The following FILIP1L variants were observed in gnomAD, a reference collection of about 807,000 sequenced individuals.
FILIP1L encodes the protein filamin A-interacting protein 1-like.
A neutral mutation model predicts 96.6 loss-of-function variants in FILIP1L; 55 were observed. That is an observed-to-expected ratio of 0.57 (90% confidence interval 0.46 to 0.71). The LOEUF is 0.71. Ranked by LOEUF, FILIP1L falls within the 30% of genes least tolerant of loss-of-function variation. The probability of loss-of-function intolerance (pLI) is 0.00; values close to 1 mark genes in which losing one functional copy is unlikely to be tolerated. For synonymous variants in FILIP1L, 467 were observed against 473.9 expected, an observed-to-expected ratio of 0.99 and a Z score of 0.19; for missense variants, 1,304 against 1,321.2, an observed-to-expected ratio of 0.99 and a Z score of 0.20.
chr3:100,028,052 T>C (rs935899751), intron 1 of FILIP1L, among the ~76,000 whole-genome samples: 22 of 152,220 alleles, frequency 1.4e-4, no homozygotes, highest in African/African-American at 5.3e-4. Flanking sequence ...AATTTTACTC[T>C]GGCTATTCTG....
intron 4 of FILIP1L, among the ~76,000 whole-genome samples, chr3:99,904,866 C>T (rs538584657): frequency 5.1e-4 from 77 of 152,304 alleles, no homozygotes; most frequent in African/African-American, 1.5e-3. Flanking sequence ...CAGTCCTTGG[C>T]AAACCTCTTG....
chr3:99,849,727 A>T lies in FILIP1L; in HGVS notation c.1949T>A (p.Met650Lys). 1 of 1,613,726 alleles carries T rather than the reference A, an allele frequency of 6.2e-7. No individual in the cohort carries two copies. Among genetic ancestry groups the T allele is most frequent in the South Asian group, 1.1e-5 (1 of 91,058 alleles). The change falls in exon 5 of 6, where the codon ATG becomes AAG. Residue 650 changes from methionine (M) to lysine (K), a missense_variant. By Grantham distance (95) the Met-to-Lys change is moderately conservative. Transcript: ENST00000477258. ...AGTCTCATATTCATCTTCTGTTTTC[A>T]TGAGGTCATCCTCAATGGCTTTCAT... ...KDMKAIEDDL[M>K]KTEDEYETLE...
intron 4 of FILIP1L, among the ~76,000 whole-genome samples, chr3:99,904,708 A>G (rs1000004816): frequency 6.6e-6 from 1 of 151,988 alleles, no homozygotes; most frequent in Non-Finnish European, 1.5e-5. Flanking sequence ...TCACTGTAGC[A>G]ACTACCTCCT....
At chr3:99,984,566 A>G (rs1709274718) in intron 1 of FILIP1L, among the ~76,000 whole-genome samples, 1 of 152,322 alleles carries the variant, frequency 6.6e-6, no homozygotes, top group African/African-American at 2.4e-5. Context: ...GCACACTGCC[A>G]AGAGGTATCT....
At chr3:99,889,439 C>T (rs1429547264) in intron 4 of FILIP1L, among the ~76,000 whole-genome samples, 1 of 151,966 alleles carries the variant, frequency 6.6e-6, no homozygotes, top group Non-Finnish European at 1.5e-5. Flanking sequence ...TGACCTTTTA[C>T]TTTCAGCTTT....
chr3:99,966,341 T>C lies in FILIP1L; in HGVS notation c.-10-35311A>G, dbSNP rs146629095. 4.5e-3 allele frequency among the ~76,000 whole-genome samples: 686 copies of C among 152,202 alleles called. 7 individuals are homozygous for C. Among genetic ancestry groups the C allele is most frequent in the African/African-American group, 0.016 (672 of 41,540 alleles). ...CCAGTAGCCCTTCCTTTCTGTTTCTTTCATAGCCCCACTGCTCCATCTGAA... is the reference window on the plus strand; with the variant it reads ...CCAGTAGCCCTTCCTTTCTGTTTCTCTCATAGCCCCACTGCTCCATCTGAA... On this transcript the variant is annotated intron_variant, in intron 1 of 5. Transcript: ENST00000477258.
intron 1 of FILIP1L, among the ~76,000 whole-genome samples, chr3:99,975,764 G>A (rs1311940843): frequency 3.3e-5 from 5 of 152,192 alleles, no homozygotes; most frequent in African/African-American, 2.4e-5. Flanking sequence ...TTCTAATAGT[G>A]ACATTCTTAC....
rs534638668 is a variant in FILIP1L, at chr3:99,884,155, T to C, written c.606-33085A>G. Among the ~76,000 whole-genome samples, 8 of 152,314 alleles carry C rather than the reference T, an allele frequency of 5.3e-5. No homozygotes were observed. The South Asian group carries it at 1.0e-3, about 20-fold the overall frequency. ...CTGTGCAGTAGCCTGTTCAGGGATA[T>C]GCATATGGGAAAAGCTCAAGCCAGA... On this transcript the variant is annotated intron_variant, in intron 4 of 5. Coordinates refer to ENST00000477258, the MANE Select transcript of FILIP1L (RefSeq NM_001387850.1).
At chr3:99,973,503 AT>A (rs1443356294) in intron 1 of FILIP1L, among the ~76,000 whole-genome samples, 1 of 151,814 alleles carries the variant, frequency 6.6e-6, no homozygotes, top group Non-Finnish European at 1.5e-5. Context: ...TTTTTTCCTT[AT>A]TTTGAAAGTT....
chr3:99,882,956 T>C (rs565013182), intron 4 of FILIP1L, among the ~76,000 whole-genome samples: 1 of 152,368 alleles, frequency 6.6e-6, no homozygotes, highest in African/African-American at 2.4e-5. Flanking sequence ...TCTGAACTTT[T>C]AATATAAATT....
chr3:99,938,741 T>C (rs1707768481), intron 1 of FILIP1L, among the ~76,000 whole-genome samples: 2 of 152,152 alleles, frequency 1.3e-5, no homozygotes, highest in South Asian at 4.1e-4. Context: ...TATAAATAGA[T>C]GTTAATAGCG....
In FILIP1L at chr3:99,891,570, G is replaced by GT. The variant is rs200616361; in HGVS notation, c.605+32659dup. Reference sequence around the variant, plus strand: ...TTTTAATATGTGTTGGATTTTTTGGGTTTTTTTTGTTTGTTTTGTTTTGTT... The same window carrying GT: ...TTTTAATATGTGTTGGATTTTTTGGGTTTTTTTTTGTTTGTTTTGTTTTGTT... On this transcript the variant is annotated intron_variant, in intron 4 of 5. Coordinates refer to ENST00000477258, the MANE Select transcript of FILIP1L (RefSeq NM_001387850.1). Among the ~76,000 whole-genome samples the GT allele has an allele frequency of 6.6e-3, 1,003 of 151,480 alleles. 14 individuals carry two copies. Among genetic ancestry groups the GT allele is most frequent in the African/African-American group, 0.017 (681 of 41,270 alleles).
intron 1 of FILIP1L, among the ~76,000 whole-genome samples, chr3:99,983,389 A>AATATATATATATATATATAT (rs397990626): frequency 2.5e-5 from 1 of 40,788 alleles, no homozygotes; most frequent in African/African-American, 1.0e-4. Context: ...TAAATAAATA[A>AATATATATATATATATATAT]ATATATATAT....
intron 4 of FILIP1L, among the ~76,000 whole-genome samples, chr3:99,891,238 G>A (rs749387544): frequency 4.6e-5 from 7 of 151,908 alleles, no homozygotes; most frequent in Non-Finnish European, 7.4e-5. Flanking sequence ...TTACCCTTTC[G>A]TCTGGGTAAT....
At chr3:99,867,801 A>G (rs187891244) in intron 4 of FILIP1L, among the ~76,000 whole-genome samples, 53 of 152,296 alleles carry the variant, frequency 3.5e-4, no homozygotes, top group Middle Eastern at 3.4e-3. Context: ...TCAAGTCTCA[A>G]TGGTTCAAAA....
At chr3:99,878,508 TCTC>T (rs1274830106) in intron 4 of FILIP1L, among the ~76,000 whole-genome samples, 3 of 152,232 alleles carry the variant, frequency 2.0e-5, no homozygotes, top group South Asian at 2.1e-4. Context: ...AGTCTTGTCT[TCTC>T]CTAATAGTTT....
At chr3:100,045,089 GTAAA>G (rs1214605968) in intron 1 of FILIP1L, among the ~76,000 whole-genome samples, 2 of 152,254 alleles carry the variant, frequency 1.3e-5, no homozygotes, top group Non-Finnish European at 2.9e-5. Context: ...GCAGGTAATT[GTAAA>G]AACAGATCTG....
chr3:99,941,451 G>A (rs1240549791), intron 1 of FILIP1L, among the ~76,000 whole-genome samples: 1 of 152,164 alleles, frequency 6.6e-6, no homozygotes, highest in Non-Finnish European at 1.5e-5. Context: ...AATGAAAAAG[G>A]GTTCCCAGGC....
At chr3:99,848,197 G>A in intron 5 of FILIP1L, 98 bp downstream of exon 5, 1 of 1,562,362 alleles carries the variant, frequency 6.4e-7, no homozygotes, top group Middle Eastern at 1.7e-4. Flanking sequence ...CAGTCTTGGG[G>A]GATATGGAGG....
Sources: allele counts gnomAD v4.1 joint callset (sites outside exome capture counted in the v4.1 genomes callset), GRCh38; gene constraint gnomAD v4.1.1; transcripts MANE v1.5; gene names NCBI Gene and HGNC (gene_info 2026-07-23, HGNC 2026-07-21).